The following SNTG1 variants were observed in gnomAD, a reference collection of about 807,000 sequenced individuals.
SNTG1 encodes the protein syntrophin gamma 1.
A neutral mutation model predicts 74.7 loss-of-function variants in SNTG1; 39 were observed. The ratio of observed to expected loss-of-function variants is 0.52; its 90% CI spans 0.40 to 0.68. The LOEUF (loss-of-function observed/expected upper bound fraction) is 0.68. Among genes scored for constraint, SNTG1 ranks in the 30% least tolerant of loss-of-function variants. The pLI is 0.00. For synonymous variants in SNTG1, 254 were observed against 217.1 expected (o/e 1.17, Z -1.49); for missense variants, 685 against 609.5 (o/e 1.12, Z -1.30).
chr8:50,073,647 T>C (rs978332008), intron 1 of SNTG1, among the ~76,000 whole-genome samples: 1 of 152,116 alleles, frequency 6.6e-6, no homozygotes, highest in Non-Finnish European at 1.5e-5. Flanking sequence ...TTGGAAATTA[T>C]AATACCAGCA....
intron 17 of SNTG1, among the ~76,000 whole-genome samples, chr8:50,742,714 A>G (rs543496653): frequency 1.3e-5 from 2 of 151,960 alleles, no homozygotes; most frequent in South Asian, 4.1e-4. Context: ...TAGATACTAG[A>G]AAGTAATGAA....
At chr8:50,502,699 A>G (rs1344854890) in intron 8 of SNTG1, 79 bp from the exon 9 acceptor site, 2 of 1,193,198 alleles carry the variant, frequency 1.7e-6, no homozygotes, top group African/African-American at 1.5e-5. Context: ...GGAAGAAACA[A>G]CCAATAATTT....
intron 2 of SNTG1, among the ~76,000 whole-genome samples, chr8:50,215,451 G>A (rs920429050): frequency 6.9e-6 from 1 of 145,336 alleles, no homozygotes; most frequent in Non-Finnish European, 1.5e-5. Context: ...TATATATGTA[G>A]TCTCTCTATA....
At chr8:49,981,546 G>T (rs1378025651) in intron 1 of SNTG1, among the ~76,000 whole-genome samples, 1 of 152,106 alleles carries the variant, frequency 6.6e-6, no homozygotes, top group African/African-American at 2.4e-5. Context: ...AACATAATTT[G>T]TTTTAGTCTA....
chr8:50,477,516 G>C (rs75251439), intron 8 of SNTG1, among the ~76,000 whole-genome samples: 3,513 of 152,176 alleles, frequency 0.023, 125 homozygotes, highest in African/African-American at 0.077. Flanking sequence ...TGGAGAAATT[G>C]TCAAATCCAA....
intron 1 of SNTG1, among the ~76,000 whole-genome samples, chr8:49,922,777 T>A (rs1806670066): frequency 6.6e-6 from 1 of 152,180 alleles, no homozygotes; most frequent in South Asian, 2.1e-4. Flanking sequence ...TCTTTTATTT[T>A]TTCATGTACT....
At chr8:50,247,453 C>T (rs1425191841) in intron 2 of SNTG1, among the ~76,000 whole-genome samples, 1 of 152,036 alleles carries the variant, frequency 6.6e-6, no homozygotes, top group African/African-American at 2.4e-5. Flanking sequence ...TTTGTTCTGT[C>T]ATGTTATCTT....
intron 2 of SNTG1, among the ~76,000 whole-genome samples, chr8:50,208,584 G>C (rs2084358779): frequency 6.6e-6 from 1 of 152,134 alleles, no homozygotes; most frequent in Admixed American, 6.5e-5. Flanking sequence ...TTTGTTATCT[G>C]TGAATTTGAT....
chr8:50,360,950 A>G (rs2091939034), intron 2 of SNTG1, among the ~76,000 whole-genome samples: 1 of 152,114 alleles, frequency 6.6e-6, no homozygotes, highest in Non-Finnish European at 1.5e-5. Flanking sequence ...TTTATTTTTA[A>G]AATTTCTTTA....
intron 2 of SNTG1, among the ~76,000 whole-genome samples, chr8:50,239,722 G>A (rs531992251): frequency 7.5e-4 from 114 of 152,210 alleles, no homozygotes; most frequent in African/African-American, 1.8e-3. Context: ...AGGATACTTC[G>A]TCAATATTGT....
intron 1 of SNTG1, among the ~76,000 whole-genome samples, chr8:50,101,192 C>G (rs942011944): frequency 6.6e-6 from 1 of 151,926 alleles, no homozygotes; most frequent in Non-Finnish European, 1.5e-5. Flanking sequence ...TGGTGGGCAT[C>G]TAGGTTTATG....
chr8:49,993,022 T>A (rs1813835338), intron 1 of SNTG1, among the ~76,000 whole-genome samples: 1 of 152,312 alleles, frequency 6.6e-6, no homozygotes, highest in East Asian at 1.9e-4. Flanking sequence ...ACCATTTACA[T>A]GTTTTAAATC....
intron 1 of SNTG1, among the ~76,000 whole-genome samples, chr8:50,081,690 G>C (rs376737892): frequency 1.6e-4 from 24 of 152,098 alleles, no homozygotes; most frequent in East Asian, 7.7e-4. Flanking sequence ...CTGGAGTGCA[G>C]TGGTGCTATC....
intron 17 of SNTG1, among the ~76,000 whole-genome samples, chr8:50,709,376 TTG>T (rs1491544391): frequency 6.7e-6 from 1 of 148,322 alleles, no homozygotes; most frequent in Admixed American, 6.6e-5. Flanking sequence ...AGAAAACATG[TTG>T]TTTTTTTAAA....
At chr8:50,633,151 A>G (rs557123685) in intron 13 of SNTG1, among the ~76,000 whole-genome samples, 1 of 86,410 alleles carries the variant, frequency 1.2e-5, no homozygotes, top group Non-Finnish European at 3.3e-5. Context: ...CTTCCATTTC[A>G]TTGCCTATTA....
intron 13 of SNTG1, among the ~76,000 whole-genome samples, chr8:50,642,411 T>C (rs931402767): frequency 5.9e-5 from 9 of 152,184 alleles, no homozygotes; most frequent in Admixed American, 2.6e-4. Context: ...TCCAATGGCT[T>C]GCAGGGTGAC....
chr8:50,334,688 C>T (rs1041554763), intron 2 of SNTG1, among the ~76,000 whole-genome samples: 2 of 152,040 alleles, frequency 1.3e-5, no homozygotes, highest in African/African-American at 4.8e-5. Context: ...GCTATCTGGG[C>T]AAATTACTCA....
At chr8:50,658,349 C>T (rs1055050314) in intron 14 of SNTG1, among the ~76,000 whole-genome samples, 7 of 151,866 alleles carry the variant, frequency 4.6e-5, no homozygotes, top group African/African-American at 1.7e-4. Flanking sequence ...GGACACTGGG[C>T]AAATGAGAAC....
chr8:50,029,088 A>G (rs1419078920), intron 1 of SNTG1, among the ~76,000 whole-genome samples: 2 of 151,994 alleles, frequency 1.3e-5, no homozygotes, highest in Non-Finnish European at 2.9e-5. Context: ...TCATCTTATT[A>G]ACAAGATTTA....
Sources: allele counts gnomAD v4.1 joint callset (sites outside exome capture counted in the v4.1 genomes callset), GRCh38; gene constraint gnomAD v4.1.1; transcripts MANE v1.5; gene names NCBI Gene and HGNC (gene_info 2026-07-23, HGNC 2026-07-21).